TET1: variants seen among roughly 807,000 people sequenced by gnomAD.
TET1 encodes the protein tet methylcytosine dioxygenase 1, also known as methylcytosine dioxygenase TET1.
A neutral mutation model predicts 148.7 loss-of-function variants in TET1; 13 were observed. The ratio of observed to expected loss-of-function variants is 0.09; its 90% CI spans 0.06 to 0.14. The LOEUF (loss-of-function observed/expected upper bound fraction) is 0.14, where lower values mean the gene tolerates loss of function less well. Ranked by LOEUF, TET1 falls within the 10% of genes least tolerant of loss-of-function variation. The pLI is 1.00. For missense variants in TET1, 2,182 were observed against 2,553.8 expected, an observed-to-expected ratio of 0.85 and a Z score of 3.14; for synonymous variants, 907 against 937.2, an observed-to-expected ratio of 0.97 and a Z score of 0.59.
At chr10:68,570,771 G>A (rs185453550) in intron 1 of TET1, among the ~76,000 whole-genome samples, 5 of 145,842 alleles carry the variant, frequency 3.4e-5, no homozygotes, top group African/African-American at 5.1e-5. Context: ...CTGGGACTAC[G>A]GGCACCCGCC....
chr10:68,632,451 T>A, intron 3 of TET1: 2 of 1,612,512 alleles, frequency 1.2e-6, no homozygotes, highest in Non-Finnish European at 1.7e-6. Flanking sequence ...TTGAAAATAC[T>A]CCCTGCGCCC....
rs771790766 is a variant in TET1, at chr10:68,572,873, T to C, written c.535T>C (p.Ser179Pro). The change falls in exon 2 of 12, where the codon TCT (serine) becomes CCT (proline). Residue 179 changes from serine to proline, a missense_variant. Ser to Pro is a moderately conservative substitution (Grantham distance 74). This residue lies in a region of TET1 where 665 missense variants were observed against 672.4 expected (regional missense o/e 0.99). Coordinates refer to ENST00000373644, the MANE Select transcript of TET1 (RefSeq NM_030625.3). ...GACTCTAATTGGTGTACAAAATCCCTCTTTACTTAAAGGTAAGAGCCAAGA... is the reference window on the plus strand; with the variant it reads ...GACTCTAATTGGTGTACAAAATCCCCCTTTACTTAAAGGTAAGAGCCAAGA... ...IETLIGVQNP[S>P]LLKGKSQETT... The C allele has an allele frequency of 1.2e-6, 2 of 1,614,138 alleles. No individual in the cohort carries two copies. Among genetic ancestry groups the C allele is most frequent in the Admixed American group, 3.3e-5 (2 of 60,000 alleles).
intron 3 of TET1, among the ~76,000 whole-genome samples, chr10:68,604,273 T>C (rs1427597447): frequency 1.3e-5 from 2 of 152,196 alleles, no homozygotes; most frequent in Admixed American, 1.3e-4. Context: ...GATAATAGTT[T>C]TGTTAGATTG....
chr10:68,681,834 G>A (rs995410710), intron 9 of TET1, among the ~76,000 whole-genome samples: 4 of 151,668 alleles, frequency 2.6e-5, no homozygotes, highest in African/African-American at 9.7e-5. Context: ...GGGTGTGGTG[G>A]GTGTGCACCT....
At chr10:68,568,325 C>T (rs565905108) in intron 1 of TET1, among the ~76,000 whole-genome samples, 6 of 147,998 alleles carry the variant, frequency 4.1e-5, no homozygotes, top group South Asian at 4.3e-4. Flanking sequence ...CTGGTTCAAG[C>T]GATTCTCATG....
chr10:68,629,057 T>C (rs778053839), intron 3 of TET1, among the ~76,000 whole-genome samples: 32 of 152,202 alleles, frequency 2.1e-4, no homozygotes, highest in Admixed American at 1.4e-3. Flanking sequence ...TGCATTTTAT[T>C]TTAGTCACTA....
chr10:68,580,201 T>C (rs1453571463), intron 2 of TET1, among the ~76,000 whole-genome samples: 1 of 151,930 alleles, frequency 6.6e-6, no homozygotes, highest in African/African-American at 2.4e-5. Flanking sequence ...GTGCTGGGAT[T>C]ATAGGCATGA....
At chr10:68,582,224 C>T (rs1037870383) in intron 2 of TET1, among the ~76,000 whole-genome samples, 11 of 152,058 alleles carry the variant, frequency 7.2e-5, no homozygotes, top group Non-Finnish European at 1.3e-4. Flanking sequence ...CTCAGCCTCC[C>T]GAGTAGCTGG....
chr10:68,656,243 C>A (rs2055019625), intron 6 of TET1, among the ~76,000 whole-genome samples: 1 of 152,152 alleles, frequency 6.6e-6, no homozygotes, highest in South Asian at 2.1e-4. Context: ...AAAACCTCTG[C>A]CCCTGGCCCC....
chr10:68,683,713 AT>A (rs1293651632), intron 10 of TET1, among the ~76,000 whole-genome samples: 1 of 152,176 alleles, frequency 6.6e-6, no homozygotes, highest in Non-Finnish European at 1.5e-5. Flanking sequence ...CGCTCGGCCA[AT>A]TTTTTAAAGT....
At chr10:68,561,721 C>A (rs2664441) in intron 1 of TET1, among the ~76,000 whole-genome samples, 142,409 of 144,410 alleles carry the variant, frequency 0.99, 70,255 homozygotes, top group Middle Eastern at 1. Flanking sequence ...CCGCTCCGGT[C>A]CCCGCCTCTC....
chr10:68,629,784 A>G (rs1437828261), intron 3 of TET1, among the ~76,000 whole-genome samples: 6 of 151,994 alleles, frequency 3.9e-5, no homozygotes, highest in East Asian at 1.9e-4. Context: ...GATCCACCCA[A>G]TTTGGCCTCC....
chr10:68,586,490 T>TTG (rs1554931429), intron 2 of TET1, among the ~76,000 whole-genome samples: 3 of 149,920 alleles, frequency 2.0e-5, no homozygotes, highest in African/African-American at 7.5e-5. Flanking sequence ...CTAACGTTTT[T>TTG]TTTTTTTTTT....
In TET1 at chr10:68,572,810, G is replaced by A; in HGVS notation, c.472G>A (p.Val158Ile). The A allele has an allele frequency of 6.2e-7, 1 of 1,614,098 alleles. No individual in the cohort carries two copies. The highest frequency in any genetic ancestry group is 8.5e-7 in the Non-Finnish European group (1 of 1,180,002). ...LGVKHSENDS[V>I]PMQDTQVLPD... is the part of the protein sequence containing the mutation. ...AGTAAAGCACTCAGAAAATGATTCG[G>A]TTCCAATGCAAGACACCCAAGTCCT... Residue 158 changes from valine to isoleucine, a missense_variant, in exon 2 of 12, where the codon GTT (valine) becomes ATT (isoleucine). This residue lies in a region of TET1 where 665 missense variants were observed against 672.4 expected (regional missense o/e 0.99). Transcript: ENST00000373644.
intron 6 of TET1, among the ~76,000 whole-genome samples, chr10:68,657,848 A>G (rs2055048296): frequency 6.6e-6 from 1 of 152,184 alleles, no homozygotes; most frequent in Non-Finnish European, 1.5e-5. Flanking sequence ...GAAAAATTTT[A>G]AAACAATTTT....
intron 3 of TET1, among the ~76,000 whole-genome samples, chr10:68,618,425 C>G (rs1418573959): frequency 6.6e-6 from 1 of 152,168 alleles, no homozygotes; most frequent in Non-Finnish European, 1.5e-5. Context: ...TCTTGCCCTT[C>G]CTGCTCTTAT....
At chr10:68,625,354 T>G (rs2054462296) in intron 3 of TET1, among the ~76,000 whole-genome samples, 1 of 152,146 alleles carries the variant, frequency 6.6e-6, no homozygotes, top group African/African-American at 2.4e-5. Flanking sequence ...ATTATTAATA[T>G]TCAGATGTAG....
chr10:68,621,816 C>G (rs1458214495), intron 3 of TET1, among the ~76,000 whole-genome samples: 1 of 152,148 alleles, frequency 6.6e-6, no homozygotes, highest in Non-Finnish European at 1.5e-5. Flanking sequence ...ATTATGAAAT[C>G]CATTCCCTAT....
rs1344532095 is a variant in TET1, at chr10:68,595,999, C to T, written c.1915-4982C>T. On this transcript the variant is annotated intron_variant, in intron 2 of 11. Coordinates refer to ENST00000373644, the MANE Select transcript of TET1 (RefSeq NM_030625.3). The stretch of plus-strand genomic sequence containing the variant: ...ACACATATATACACACACACACACA[C>T]ACACACACACACACACACACACACA... 1.1e-3 allele frequency among the ~76,000 whole-genome samples: 98 copies of T among 89,570 alleles called. 1 individual carries two copies. Among genetic ancestry groups the T allele is most frequent in the African/African-American group, 3.8e-3 (82 of 21,576 alleles). The allele number at this position is 89,570 out of a possible 152,430, so 58.8% of individuals were successfully genotyped here.
Sources: allele counts gnomAD v4.1 joint callset (sites outside exome capture counted in the v4.1 genomes callset), GRCh38; gene constraint gnomAD v4.1.1; regional missense constraint gnomAD v4.1.1; transcripts MANE v1.5; gene names NCBI Gene and HGNC (gene_info 2026-07-23, HGNC 2026-07-21).